SHANK2: variants seen among roughly 807,000 people sequenced by gnomAD.
SHANK2 encodes SH3 and multiple ankyrin repeat domains protein 2.
SHANK2 carries 43 observed loss-of-function variants against 133.7 expected under a neutral mutation model. The observed-to-expected ratio is 0.32, with a 90% CI of 0.25 to 0.41. SHANK2 has a LOEUF of 0.41. Ranked by LOEUF, SHANK2 falls within the 10% of genes least tolerant of loss-of-function variation. SHANK2 has a pLI of 1.00. For synonymous variants in SHANK2, 1,017 were observed against 952.8 expected (o/e 1.07, Z -1.24); for missense variants, 1,994 against 2,235.8 (o/e 0.89, Z 2.18).
At chr11:71,057,231 G>T (rs927187466) in intron 9 of SHANK2, among the ~76,000 whole-genome samples, 8 of 152,226 alleles carry the variant, frequency 5.3e-5, no homozygotes, top group Non-Finnish European at 1.0e-4. Flanking sequence ...CTACTCAGGA[G>T]GCTGAGGCAG....
At chr11:71,084,271 C>T (rs1951347524) in intron 8 of SHANK2, among the ~76,000 whole-genome samples, 1 of 152,122 alleles carries the variant, frequency 6.6e-6, no homozygotes, top group African/African-American at 2.4e-5. Context: ...GCACCCGGCC[C>T]GAATAACAAC....
Position 70,820,489 on chromosome 11 carries a change from C to T in SHANK2, c.1368G>A (p.Lys456=), listed in dbSNP as rs1055497440. The change falls in exon 12 of 26, where the codon AAG becomes AAA. Residue 456 remains lysine, a synonymous_variant. Coordinates refer to ENST00000601538, the MANE Select transcript of SHANK2 (RefSeq NM_012309.5). ...CAATGGTCTTCGCGGCCCCCTCGGGCTTGCTGGGCATCTGCTGCAGCAGCT... is the reference window on the plus strand; with the variant it reads ...CAATGGTCTTCGCGGCCCCCTCGGGTTTGCTGGGCATCTGCTGCAGCAGCT... The part of the protein sequence containing the change: ...SPQLLQQMPS[K]PEGAAKTIGS... 2.1e-5 allele frequency: 15 copies of T among 716,842 alleles called. No individual in the cohort carries two copies. Among genetic ancestry groups the T allele is most frequent in the African/African-American group, 1.9e-4 (11 of 57,254 alleles). 44.4% of individuals were successfully genotyped at this position (716,842 alleles called of 1,614,324 possible).
At chr11:70,494,518 T>G (rs537830296) in intron 21 of SHANK2, among the ~76,000 whole-genome samples, 1 of 152,150 alleles carries the variant, frequency 6.6e-6, no homozygotes, top group Non-Finnish European at 1.5e-5. Context: ...GGTCTCAGAC[T>G]CCTGACCTCA....
At chr11:70,887,486 A>G (rs901708119) in intron 11 of SHANK2, among the ~76,000 whole-genome samples, 1 of 152,142 alleles carries the variant, frequency 6.6e-6, no homozygotes, top group African/African-American at 2.4e-5. Flanking sequence ...TCTCTTTTAA[A>G]GAGATACACT....
Position 70,486,440 on chromosome 11 carries a change from C to T in SHANK2, c.3853G>A (p.Asp1285Asn), listed in dbSNP as rs782629487. The T allele has an allele frequency of 2.5e-6, 4 of 1,614,076 alleles. No homozygotes were observed. Among genetic ancestry groups the T allele is most frequent in the East Asian group, 4.5e-5 (2 of 44,878 alleles). ...RQETENKYET[D>N]LGRDRKGDDK... ...TCGCCTTTCCGGTCTCGGCCCAGGT[C>T]GGTCTCGTACTTGTTCTCCGTCTCC... The change falls in exon 25 of 26, where the codon GAC (aspartate) becomes AAC (asparagine). Residue 1285 changes from aspartate to asparagine, a missense_variant. Transcript: ENST00000601538. This position sits in a 1 kb window ranked among gnomAD's most constrained non-coding sequence, Gnocchi z 8.0.
chr11:70,522,222 T>C (rs1179583058), intron 17 of SHANK2, among the ~76,000 whole-genome samples: 1 of 152,246 alleles, frequency 6.6e-6, no homozygotes, highest in African/African-American at 2.4e-5. Flanking sequence ...GTTTCTGCTC[T>C]GTCCTTGTTG....
rs149112554 is a variant in SHANK2 at position 71,122,196 on chromosome 11, C to T, written c.208-3164G>A. Among the ~76,000 whole-genome samples the T allele has an allele frequency of 8.6e-3, 1,316 of 152,268 alleles. 26 individuals are homozygous for T. Among genetic ancestry groups the T allele is most frequent in the African/African-American group, 0.031 (1,283 of 41,542 alleles). On this transcript the variant is annotated intron_variant, in intron 3 of 25. Transcript: ENST00000601538. ...ATGCCACCATAAAGACACATGCACA[C>T]GTATGTTTACTGCGGCACTATTCAC...
chr11:70,883,166 C>A (rs188788431), intron 11 of SHANK2, among the ~76,000 whole-genome samples: 1 of 152,116 alleles, frequency 6.6e-6, no homozygotes, highest in Non-Finnish European at 1.5e-5. Flanking sequence ...GCAGTGAAGG[C>A]GCCTCCCTAA....
At chr11:70,559,135 T>C (rs1264786914) in intron 17 of SHANK2, among the ~76,000 whole-genome samples, 1 of 151,986 alleles carries the variant, frequency 6.6e-6, no homozygotes, top group Non-Finnish European at 1.5e-5. Flanking sequence ...TCTCCTGCCT[T>C]AGCCTCCTGA....
Position 70,727,003 on chromosome 11 carries a change from A to G in SHANK2, c.1778-28240T>C, listed in dbSNP as rs190743139. On this transcript the variant is annotated intron_variant, in intron 14 of 25. Transcript: ENST00000601538. ...ATGGAAATCTACCTGGGAACAGAAG[A>G]CCCTCCCTGCAGAACCCACCCTAAT... Among the ~76,000 whole-genome samples, 280 of 152,240 alleles carry G rather than the reference A, an allele frequency of 1.8e-3. 2 individuals carry two copies. The highest frequency in any genetic ancestry group is 6.1e-3 in the African/African-American group (254 of 41,542).
chr11:70,573,811 G>C (rs1311316637), intron 17 of SHANK2, among the ~76,000 whole-genome samples: 1 of 152,216 alleles, frequency 6.6e-6, no homozygotes, highest in African/African-American at 2.4e-5. Flanking sequence ...GTCTGACTTA[G>C]AGTATGCAAA....
At chr11:70,509,440 T>C (rs2059172922) in intron 17 of SHANK2, among the ~76,000 whole-genome samples, 1 of 114,086 alleles carries the variant, frequency 8.8e-6, no homozygotes, top group South Asian at 2.6e-4. Context: ...ATTTATCCCA[T>C]TGAGGGGGGG....
chr11:71,157,861 T>C (rs1952933479), intron 2 of SHANK2, among the ~76,000 whole-genome samples: 1 of 152,020 alleles, frequency 6.6e-6, no homozygotes, highest in Non-Finnish European at 1.5e-5. Context: ...GGAGACAACC[T>C]ACAGAGAAGG....
intron 17 of SHANK2, among the ~76,000 whole-genome samples, chr11:70,637,157 ATGTG>A (rs1230284046): frequency 5.3e-5 from 8 of 152,018 alleles, no homozygotes; most frequent in Admixed American, 2.0e-4. Context: ...GTGCATTAGT[ATGTG>A]TGTGTTTCCA....
chr11:70,585,659 CCATT>C (rs2060239336), intron 17 of SHANK2, among the ~76,000 whole-genome samples: 2 of 151,814 alleles, frequency 1.3e-5, no homozygotes, highest in Admixed American at 1.3e-4. Flanking sequence ...ATCCCTCCAT[CCATT>C]CATCCACCCA....
At chr11:70,596,588 CG>C (rs557308885) in intron 17 of SHANK2, among the ~76,000 whole-genome samples, 2 of 152,246 alleles carry the variant, frequency 1.3e-5, no homozygotes, top group African/African-American at 2.4e-5. Flanking sequence ...AATCCTGATG[CG>C]GGGGGGCGGC....
chr11:71,250,222 T>A (rs1948156623), intron 1 of SHANK2, among the ~76,000 whole-genome samples: 1 of 152,154 alleles, frequency 6.6e-6, no homozygotes, highest in African/African-American at 2.4e-5. Context: ...TGTAAAGAGT[T>A]ACCTTTGATA....
chr11:70,768,098 G>T (rs1254266941), intron 14 of SHANK2, among the ~76,000 whole-genome samples: 5 of 152,192 alleles, frequency 3.3e-5, no homozygotes, highest in African/African-American at 1.2e-4. Context: ...ATTTCTTGGA[G>T]CCTGTTTCCT....
At chr11:71,156,756 G>A (rs1555109165) in intron 2 of SHANK2, among the ~76,000 whole-genome samples, 3 of 152,206 alleles carry the variant, frequency 2.0e-5, no homozygotes, top group African/African-American at 7.2e-5. Context: ...ATATGGCAGT[G>A]TCTCAGAGAA....
Sources: gnomAD v4.1 joint callset for allele counts (sites outside exome capture counted in the v4.1 genomes callset) on GRCh38, gnomAD v4.1.1 for gene constraint, Gnocchi (gnomAD v3.1) non-coding constraint, MANE v1.5 for transcripts, NCBI Gene and HGNC (gene_info 2026-07-23, HGNC 2026-07-21) for gene names.